Variants in BACH2 observed in about 807,000 individuals in gnomAD.
BACH2 encodes BACH transcriptional regulator 2.
Under a neutral mutation model 61.8 loss-of-function variants are expected in BACH2, and 5 were observed. The ratio of observed to expected loss-of-function variants is 0.08; its 90% CI spans 0.04 to 0.17. BACH2 has a LOEUF of 0.17. Among genes scored for constraint, BACH2 ranks in the 10% least tolerant of loss-of-function variants. The probability of loss-of-function intolerance (pLI) is 1.00; values close to 1 mark genes in which losing one functional copy is unlikely to be tolerated. For synonymous variants in BACH2, 446 were observed against 440.1 expected (o/e 1.01, Z -0.17); for missense variants, 824 against 1,091.1 (o/e 0.76, Z 3.45).
At chr6:89,992,659 T>TCAAA (rs933089989) in intron 6 of BACH2, among the ~76,000 whole-genome samples, 3 of 151,624 alleles carry the variant, frequency 2.0e-5, no homozygotes, top group Admixed American at 6.6e-5. Flanking sequence ...AGAAAAACAA[T>TCAAA]CAAACAAACA....
At chr6:89,943,742 A>G (rs1456450054) in intron 7 of BACH2, among the ~76,000 whole-genome samples, 8 of 152,222 alleles carry the variant, frequency 5.3e-5, no homozygotes, top group Admixed American at 4.6e-4. Flanking sequence ...TCCTGTAGAA[A>G]TCTCAGTGGA....
chr6:90,220,585 G>A (rs954988896), intron 3 of BACH2, among the ~76,000 whole-genome samples: 2 of 152,162 alleles, frequency 1.3e-5, no homozygotes, highest in African/African-American at 4.8e-5. Context: ...AATAGGTGTT[G>A]TGTTAGCTAT....
chr6:90,286,737 T>C (rs1772028064), intron 1 of BACH2, among the ~76,000 whole-genome samples: 1 of 152,142 alleles, frequency 6.6e-6, no homozygotes, highest in Non-Finnish European at 1.5e-5. Context: ...TCATTTAAAA[T>C]GCATAGAATT....
At chr6:90,026,090 C>T (rs891817820) in intron 5 of BACH2, among the ~76,000 whole-genome samples, 3 of 152,092 alleles carry the variant, frequency 2.0e-5, no homozygotes, top group Non-Finnish European at 2.9e-5. Context: ...AGTCAAAACT[C>T]ACAACAGAGA....
At chr6:90,181,763 T>C (rs1016016751) in intron 4 of BACH2, among the ~76,000 whole-genome samples, 9 of 152,016 alleles carry the variant, frequency 5.9e-5, no homozygotes, top group African/African-American at 2.2e-4. Flanking sequence ...GATGGATTCA[T>C]TGATTGTAGA....
chr6:90,075,424 G>A (rs1451905214), intron 5 of BACH2, among the ~76,000 whole-genome samples: 2 of 152,138 alleles, frequency 1.3e-5, no homozygotes, highest in South Asian at 2.1e-4. Context: ...GGAGGTACCC[G>A]GCATAAAATA....
intron 4 of BACH2, among the ~76,000 whole-genome samples, chr6:90,123,769 CAAA>C (rs796903431): frequency 8.8e-5 from 3 of 33,982 alleles, no homozygotes; most frequent in Middle Eastern, 0.013. Context: ...GACTCCGTCT[CAAA>C]AAAAAAAAAA....
intron 6 of BACH2, among the ~76,000 whole-genome samples, chr6:90,003,676 C>T (rs1304971882): frequency 6.6e-6 from 1 of 152,206 alleles, no homozygotes; most frequent in Non-Finnish European, 1.5e-5. Context: ...GAAGACCTCA[C>T]ATGCAGTGAT....
At chr6:90,189,817 T>C (rs563379921) in intron 4 of BACH2, among the ~76,000 whole-genome samples, 30 of 152,260 alleles carry the variant, frequency 2.0e-4, no homozygotes, top group African/African-American at 4.6e-4. Flanking sequence ...CCATGACACA[T>C]ATGAGAAGGT....
Position 90,223,635 on chromosome 6 carries a change from A to ATT in BACH2, c.-274-16956_-274-16955dup, listed in dbSNP as rs367976516. 7.9e-3 allele frequency among the ~76,000 whole-genome samples: 1,174 copies of ATT among 149,400 alleles called. 12 individuals are homozygous for ATT. Among genetic ancestry groups the ATT allele is most frequent in the African/African-American group, 0.027 (1,110 of 40,714 alleles). ...AGGTGCACACCACTACACCCAGCTA[A>ATT]TTTTTTTTTTGTTTTTTTAAGTAGA... On this transcript the variant is annotated intron_variant, in intron 3 of 8. Coordinates refer to ENST00000257749, the MANE Select transcript of BACH2 (RefSeq NM_021813.4).
intron 4 of BACH2, among the ~76,000 whole-genome samples, chr6:90,113,351 G>A (rs766619591): frequency 6.6e-6 from 1 of 151,986 alleles, no homozygotes; most frequent in Non-Finnish European, 1.5e-5. Flanking sequence ...CCACATAATT[G>A]GACATAAAAC....
intron 4 of BACH2, among the ~76,000 whole-genome samples, chr6:90,177,600 G>A (rs1461513950): frequency 2.0e-5 from 3 of 152,168 alleles, no homozygotes; most frequent in South Asian, 4.1e-4. Context: ...CGTAATGCAC[G>A]AAATGTGGAT....
chr6:90,120,901 A>G (rs207274), intron 4 of BACH2, among the ~76,000 whole-genome samples: 81,036 of 151,966 alleles, frequency 0.53, 22,270 homozygotes, highest in African/African-American at 0.63. Context: ...GTTGGCCCAT[A>G]AAATATGAGT....
chr6:90,039,851 G>T (rs1779445294), intron 5 of BACH2, among the ~76,000 whole-genome samples: 1 of 152,122 alleles, frequency 6.6e-6, no homozygotes, highest in Admixed American at 6.5e-5. Flanking sequence ...TCATGTTTAT[G>T]AACAGCTATT....
intron 5 of BACH2, among the ~76,000 whole-genome samples, chr6:90,011,932 ATGTG>A (rs71027919): frequency 0.061 from 6,924 of 114,126 alleles, 186 homozygotes; most frequent in Non-Finnish European, 0.07. Context: ...AAAAAAAAAT[ATGTG>A]TGTGTGTGTG....
chr6:90,028,715 G>A (rs1248988142), intron 5 of BACH2, among the ~76,000 whole-genome samples: 1 of 152,142 alleles, frequency 6.6e-6, no homozygotes, highest in Non-Finnish European at 1.5e-5. Context: ...ATTAGATACT[G>A]CATACAAAGA....
At chr6:90,157,550 T>C (rs1007001661) in intron 4 of BACH2, among the ~76,000 whole-genome samples, 1 of 152,196 alleles carries the variant, frequency 6.6e-6, no homozygotes. Context: ...CTCGAGGGCC[T>C]GGGTTCTTTC....
chr6:90,210,347 A>G (rs1169576759), intron 3 of BACH2, among the ~76,000 whole-genome samples: 2 of 144,704 alleles, frequency 1.4e-5, no homozygotes, highest in African/African-American at 2.5e-5. Context: ...ACACACACAC[A>G]CACGCACATG....
chr6:90,121,013 T>G (rs1480994249), intron 4 of BACH2, among the ~76,000 whole-genome samples: 3 of 152,150 alleles, frequency 2.0e-5, no homozygotes, highest in African/African-American at 7.2e-5. Context: ...GAGACAACTG[T>G]GAAAGATTGG....
Sources: gnomAD v4.1 joint callset for allele counts (sites outside exome capture counted in the v4.1 genomes callset) on GRCh38, gnomAD v4.1.1 for gene constraint, MANE v1.5 for transcripts, NCBI Gene and HGNC (gene_info 2026-07-23, HGNC 2026-07-21) for gene names.